Variants in NRIP3 observed in about 807,000 individuals in gnomAD.
NRIP3 encodes nuclear receptor interacting protein 3.
A neutral mutation model predicts 29.0 loss-of-function variants in NRIP3; 31 were observed. The observed-to-expected ratio is 1.07, with a 90% CI of 0.80 to 1.44. The LOEUF (loss-of-function observed/expected upper bound fraction) is 1.44, where lower values mean the gene tolerates loss of function less well. Ranked by LOEUF, NRIP3 falls within the 40% of genes most tolerant of loss-of-function variation. The pLI, the probability that NRIP3 is intolerant of heterozygous loss-of-function variation, is 0.00. For synonymous variants in NRIP3, 131 were observed against 118.3 expected, an observed-to-expected ratio of 1.11 and a Z score of -0.70; for missense variants, 314 against 297.9, an observed-to-expected ratio of 1.05 and a Z score of -0.40.
At chr11:8,985,271 G>A (rs1463574258) in intron 4 of NRIP3, among the ~76,000 whole-genome samples, 2 of 147,468 alleles carry the variant, frequency 1.4e-5, no homozygotes, top group Non-Finnish European at 3.0e-5. Flanking sequence ...CCAGGTTCAC[G>A]CCATTCTCCT....
At position 9,003,865 on chromosome 11, in the gene NRIP3, C is replaced by A. The variant is rs1854862095; in HGVS notation, c.71G>T (p.Arg24Leu). ...ETDMREAASL[R>L]QQRRMKQAVQ... ...CGCCTGCTTCATCCGGCGCTGCTGT[C>A]GCAGTGACGCCGCCTCCCGCATGTC... Residue 24 changes from arginine to leucine, a missense_variant, in exon 1 of 7, where the codon CGA (arginine) becomes CTA (leucine). Arg to Leu is a moderately radical substitution (Grantham distance 102). Coordinates refer to ENST00000309166, the MANE Select transcript of NRIP3 (RefSeq NM_020645.3). The A allele has an allele frequency of 6.6e-7, 1 of 1,521,070 alleles. No homozygotes were observed. Among genetic ancestry groups the A allele is most frequent in the African/African-American group, 1.4e-5 (1 of 69,620 alleles). The allele number at this position is 1,521,070 out of a possible 1,614,324, so 94.2% of individuals were successfully genotyped here.
chr11:8,985,764 T>G lies in NRIP3; in HGVS notation c.509A>C (p.His170Pro). The change falls in exon 4 of 7, where the codon CAC (histidine) becomes CCC (proline). Residue 170 changes from histidine (H) to proline (P), a missense_variant. Coordinates refer to ENST00000309166, the MANE Select transcript of NRIP3 (RefSeq NM_020645.3). Reference protein sequence around the residue: ...RHLKVVGQIEHLVITLGSLRL... With the variant: ...RHLKVVGQIEPLVITLGSLRL... Reference sequence around the variant, plus strand: ...GAGGGAGCCCAGTGTGATCACTAGGTGCTCAATCTGGCCCACTACTTTGAG... The same window carrying G: ...GAGGGAGCCCAGTGTGATCACTAGGGGCTCAATCTGGCCCACTACTTTGAG... 1 of 1,614,128 alleles carries G rather than the reference T, an allele frequency of 6.2e-7. No individual in the cohort carries two copies. Among genetic ancestry groups the G allele is most frequent in the Non-Finnish European group, 8.5e-7 (1 of 1,180,024 alleles).
chr11:8,983,799 T>C, intron 6 of NRIP3, 76 bp downstream of exon 6: 5 of 1,240,572 alleles, frequency 4.0e-6, no homozygotes, highest in South Asian at 1.2e-5. Flanking sequence ...CCATGTCCTG[T>C]CTGAGAACCA....
rs1854455335 is a variant in NRIP3 at position 8,983,490 on chromosome 11, A to G, written c.*55T>C. On this transcript the variant is annotated 3_prime_UTR_variant, in exon 7 of 7. Transcript: ENST00000309166. ...ATTTGGTTCAAACCCAGTTTTCTCT[A>G]TCTGTCAACCCGGTGTGTATGCATG... 6.3e-7 allele frequency: 1 copy of G among 1,585,498 alleles called. No homozygotes were observed. The highest frequency in any genetic ancestry group is 1.4e-5 in the African/African-American group (1 of 73,844).
At chr11:9,002,104 G>A (rs1049504831) in intron 1 of NRIP3, among the ~76,000 whole-genome samples, 4 of 152,090 alleles carry the variant, frequency 2.6e-5, no homozygotes, top group African/African-American at 4.8e-5. Context: ...CTAGGCAGAA[G>A]GAAGTTCAGG....
chr11:8,988,390 T>G, intron 1 of NRIP3, 108 bp from the exon 2 acceptor site: 1 of 845,146 alleles, frequency 1.2e-6, no homozygotes, highest in Non-Finnish European at 1.8e-6. Context: ...AACTGAGCTC[T>G]ATCTTTGCTT....
chr11:8,981,375 G>C lies in NRIP3; in HGVS notation c.*2170C>G, dbSNP rs979445541. The C allele has an allele frequency of 2.6e-5, 4 of 152,170 alleles. No individual in the cohort carries two copies. The highest frequency in any genetic ancestry group is 4.8e-5 in the African/African-American group (2 of 41,392). 9.4% of individuals were successfully genotyped at this position (152,170 alleles called of 1,614,324 possible). On this transcript the variant is annotated 3_prime_UTR_variant, in exon 7 of 7. Coordinates refer to ENST00000309166, the MANE Select transcript of NRIP3 (RefSeq NM_020645.3). ...CCCAGCTACTTGGGAGGCTGAGGCAGGAGAATGGCATGAACCCGGGAGGCG... is the reference window on the plus strand; with the variant it reads ...CCCAGCTACTTGGGAGGCTGAGGCACGAGAATGGCATGAACCCGGGAGGCG...
At position 9,003,850 on chromosome 11, in the gene NRIP3, A is replaced by T. The variant is rs1215123293; in HGVS notation, c.86T>A (p.Met29Lys). Reference sequence around the variant, plus strand: ...GTGGATGAACTGCACCGCCTGCTTCATCCGGCGCTGCTGTCGCAGTGACGC... The same window carrying T: ...GTGGATGAACTGCACCGCCTGCTTCTTCCGGCGCTGCTGTCGCAGTGACGC... ...EAASLRQQRR[M>K]KQAVQFIHKD... The change falls in exon 1 of 7, where the codon ATG (methionine) becomes AAG (lysine). Residue 29 changes from methionine to lysine, a missense_variant. Physicochemically the swap from Met to Lys is moderately conservative, Grantham distance 95. Transcript: ENST00000309166. The T allele has an allele frequency of 6.6e-7, 1 of 1,521,198 alleles. No individual in the cohort carries two copies. Among genetic ancestry groups the T allele is most frequent in the South Asian group, 1.2e-5 (1 of 80,862 alleles). 94.2% of individuals were successfully genotyped at this position (1,521,198 alleles called of 1,614,324 possible).
At chr11:8,984,189 TC>T in intron 4 of NRIP3, 65 bp from the exon 5 acceptor site, 4 of 1,026,794 alleles carry the variant, frequency 3.9e-6, no homozygotes, top group Non-Finnish European at 6.2e-6. Context: ...GTTGGCCTAA[TC>T]ACTATTAGGT....
rs1393480458 is a variant in NRIP3 at position 8,982,085 on chromosome 11, T to G, written c.*1460A>C. 4 of 152,322 alleles carry G rather than the reference T, an allele frequency of 2.6e-5. No homozygotes were observed. The East Asian group carries it at 7.7e-4, about 29-fold the overall frequency. The allele number at this position is 152,322 out of a possible 1,614,324, so 9.4% of individuals were successfully genotyped here. A position where few individuals can be genotyped will look rare whatever the true frequency, so the allele number is the denominator to read the frequency against. ...ACACAGGGTAGACTTGGGAATATCT[T>G]AAAGGGATACCCACAGCTAGCTATT... On this transcript the variant is annotated 3_prime_UTR_variant, in exon 7 of 7. Coordinates refer to ENST00000309166, the MANE Select transcript of NRIP3 (RefSeq NM_020645.3).
At chr11:8,999,446 T>A (rs1854760980) in intron 1 of NRIP3, among the ~76,000 whole-genome samples, 1 of 152,218 alleles carries the variant, frequency 6.6e-6, no homozygotes, top group South Asian at 2.1e-4. Context: ...GTAGCCTGAG[T>A]AGTCTTTTTG....
At chr11:8,991,795 T>A (rs1336702707) in intron 1 of NRIP3, among the ~76,000 whole-genome samples, 1 of 152,234 alleles carries the variant, frequency 6.6e-6, no homozygotes, top group Non-Finnish European at 1.5e-5. Flanking sequence ...GCCCTCTTTG[T>A]AGTTAGGCAT....
intron 1 of NRIP3, among the ~76,000 whole-genome samples, chr11:8,999,911 T>C (rs1854767188): frequency 6.6e-6 from 1 of 152,184 alleles, no homozygotes; most frequent in African/African-American, 2.4e-5. Flanking sequence ...CTTACCCTGA[T>C]TTATTTTCTC....
intron 4 of NRIP3, among the ~76,000 whole-genome samples, chr11:8,985,219 G>A (rs1854497811): frequency 7.0e-6 from 1 of 142,936 alleles, no homozygotes; most frequent in African/African-American, 2.6e-5. Flanking sequence ...GCCCAGGCTG[G>A]AGTGCAGTGG....
intron 1 of NRIP3, among the ~76,000 whole-genome samples, chr11:8,996,275 CTTTTTTTT>C (rs386373056): frequency 3.6e-5 from 3 of 82,944 alleles, no homozygotes; most frequent in Middle Eastern, 0.013. Flanking sequence ...CCTTTTTTTC[CTTTTTTTT>C]TTTTTTTTTT....
At chr11:8,998,784 A>ATTTTTTTTTT (rs767253373) in intron 1 of NRIP3, among the ~76,000 whole-genome samples, 2 of 77,570 alleles carry the variant, frequency 2.6e-5, no homozygotes, top group African/African-American at 5.1e-5. Context: ...CAAACTCTTC[A>ATTTTTTTTTT]TTTTTTTTTT....
intron 1 of NRIP3, among the ~76,000 whole-genome samples, chr11:8,995,704 AAT>A (rs1326240165): frequency 6.6e-6 from 1 of 152,228 alleles, no homozygotes; most frequent in Non-Finnish European, 1.5e-5. Context: ...TAAGTCAGGT[AAT>A]ACAGTACTTT....
At position 8,982,114 on chromosome 11, in the gene NRIP3, C is replaced by G. The variant is rs1854424848; in HGVS notation, c.*1431G>C. ...GGGATACCCACAGCTAGCTATTTTT[C>G]TGACTTGTCCAAGCACTTCTATGAC... On this transcript the variant is annotated 3_prime_UTR_variant, in exon 7 of 7. Coordinates refer to ENST00000309166, the MANE Select transcript of NRIP3 (RefSeq NM_020645.3). The G allele has an allele frequency of 6.6e-6, 1 of 152,224 alleles. No homozygotes were observed. The highest frequency in any genetic ancestry group is 6.5e-5 in the Admixed American group (1 of 15,282). 9.4% of individuals were successfully genotyped at this position (152,224 alleles called of 1,614,324 possible). A position where few individuals can be genotyped will look rare whatever the true frequency, so the allele number is the denominator to read the frequency against.
At chr11:8,993,907 C>T (rs901659485) in intron 1 of NRIP3, among the ~76,000 whole-genome samples, 7 of 151,656 alleles carry the variant, frequency 4.6e-5, no homozygotes, top group Admixed American at 1.3e-4. Flanking sequence ...ATATGGAGAT[C>T]CCTAACACAA....
Sources: allele counts gnomAD v4.1 joint callset (sites outside exome capture counted in the v4.1 genomes callset), GRCh38; gene constraint gnomAD v4.1.1; transcripts MANE v1.5; gene names NCBI Gene and HGNC (gene_info 2026-07-23, HGNC 2026-07-21).